DNM3: variants seen among roughly 807,000 people sequenced by gnomAD.
The protein encoded by DNM3 is dynamin 3.
A neutral mutation model predicts 101.6 loss-of-function variants in DNM3; 47 were observed. The ratio of observed to expected loss-of-function variants is 0.46; its 90% CI spans 0.37 to 0.59. The LOEUF (loss-of-function observed/expected upper bound fraction) is 0.59. DNM3 is among the 20% of genes least tolerant of loss of function. The pLI, the probability that DNM3 is intolerant of heterozygous loss-of-function variation, is 0.00. For synonymous variants in DNM3, 385 were observed against 387.9 expected (o/e 0.99, Z 0.09); for missense variants, 849 against 1,085.7 (o/e 0.78, Z 3.06).
chr1:172,345,556 A>C (rs1169921590), intron 17 of DNM3, among the ~76,000 whole-genome samples: 9 of 152,352 alleles, frequency 5.9e-5, no homozygotes, highest in South Asian at 4.1e-4. Context: ...TAAATCACAC[A>C]TACATATACA....
intron 10 of DNM3, among the ~76,000 whole-genome samples, chr1:172,052,055 T>C (rs1007078751): frequency 2.6e-5 from 4 of 152,182 alleles, no homozygotes; most frequent in Non-Finnish European, 5.9e-5. Context: ...TTCTCCATGA[T>C]AATGATGTTA....
chr1:171,896,858 A>C (rs988830357), intron 1 of DNM3, among the ~76,000 whole-genome samples: 2 of 152,208 alleles, frequency 1.3e-5, no homozygotes, highest in Non-Finnish European at 2.9e-5. Flanking sequence ...TGAGGATTTT[A>C]GGCAGAGTTA....
intron 15 of DNM3, among the ~76,000 whole-genome samples, chr1:172,291,932 A>G (rs1452318947): frequency 6.6e-6 from 1 of 152,230 alleles, no homozygotes; most frequent in East Asian, 1.9e-4. Context: ...TTTTGCCAGA[A>G]TCAGGATTCA....
At chr1:172,263,774 A>T (rs1187698773) in intron 15 of DNM3, among the ~76,000 whole-genome samples, 2 of 152,170 alleles carry the variant, frequency 1.3e-5, no homozygotes, top group African/African-American at 4.8e-5. Flanking sequence ...TCAAGATGAG[A>T]TTTGGGTGGG....
chr1:172,256,099 T>C (rs1573161968), intron 15 of DNM3, among the ~76,000 whole-genome samples: 1 of 152,122 alleles, frequency 6.6e-6, no homozygotes, highest in Non-Finnish European at 1.5e-5. Flanking sequence ...TTCTTTATTA[T>C]GAGTTCTTGG....
At chr1:172,121,598 C>G (rs4604727) in intron 13 of DNM3, among the ~76,000 whole-genome samples, 34,302 of 152,084 alleles carry the variant, frequency 0.23, 4,318 homozygotes, top group East Asian at 0.47. Flanking sequence ...TCATTGTAGA[C>G]TTGGGAAGTC....
intron 16 of DNM3, among the ~76,000 whole-genome samples, chr1:172,315,763 T>G (rs2065311103): frequency 1.3e-5 from 2 of 152,186 alleles, no homozygotes; most frequent in South Asian, 2.1e-4. Flanking sequence ...TGCGTCTGAT[T>G]GGTGTACCTG....
intron 2 of DNM3, among the ~76,000 whole-genome samples, chr1:171,946,345 A>G (rs1327269622): frequency 6.6e-6 from 1 of 152,156 alleles, no homozygotes; most frequent in Admixed American, 6.5e-5. Flanking sequence ...CTTACCTACT[A>G]TCTTAATAGG....
At chr1:171,933,705 C>A (rs1203890382) in intron 2 of DNM3, among the ~76,000 whole-genome samples, 2 of 151,902 alleles carry the variant, frequency 1.3e-5, no homozygotes, top group Non-Finnish European at 2.9e-5. Context: ...GTCTTGTGAG[C>A]CAGGGATGAT....
intron 2 of DNM3, among the ~76,000 whole-genome samples, chr1:171,922,587 A>G (rs1478081398): frequency 6.6e-6 from 1 of 152,252 alleles, no homozygotes; most frequent in African/African-American, 2.4e-5. Flanking sequence ...TAACAGTTGA[A>G]TAGATTTTAG....
intron 14 of DNM3, among the ~76,000 whole-genome samples, chr1:172,145,320 G>GTCTCTCTC (rs1289156505): frequency 1.5e-4 from 22 of 149,070 alleles, no homozygotes; most frequent in African/African-American, 5.6e-4. Flanking sequence ...CTGTCTGTCT[G>GTCTCTCTC]TCTGTCTCTC....
chr1:172,201,211 A>T (rs529957500), intron 14 of DNM3, among the ~76,000 whole-genome samples: 1 of 151,580 alleles, frequency 6.6e-6, no homozygotes, highest in East Asian at 1.9e-4. Flanking sequence ...CAGTTGGTAG[A>T]CTCTTGCTCA....
intron 14 of DNM3, among the ~76,000 whole-genome samples, chr1:172,249,385 A>G: frequency 6.6e-6 from 1 of 152,026 alleles, no homozygotes; most frequent in Non-Finnish European, 1.5e-5. Context: ...CCCCTTTCAC[A>G]CAAAGATGCA....
chr1:172,307,112 T>G (rs955488245), intron 15 of DNM3, among the ~76,000 whole-genome samples: 3 of 151,972 alleles, frequency 2.0e-5, no homozygotes, highest in Admixed American at 2.0e-4. Context: ...GGGAGAAAAA[T>G]TTTGCATTCT....
chr1:171,953,420 CTTTTTTT>C (rs749644835), intron 2 of DNM3, among the ~76,000 whole-genome samples: 10 of 128,998 alleles, frequency 7.8e-5, no homozygotes, highest in East Asian at 4.5e-4. Flanking sequence ...ATGCGCAATT[CTTTTTTT>C]TTTTTTTTTT....
chr1:172,036,962 C>A (rs1277685176), intron 6 of DNM3, among the ~76,000 whole-genome samples: 5 of 143,452 alleles, frequency 3.5e-5, no homozygotes, highest in Non-Finnish European at 4.7e-5. Context: ...AAAAACAACT[C>A]CATCAAAAAG....
At chr1:172,281,360 G>T (rs944576333) in intron 15 of DNM3, among the ~76,000 whole-genome samples, 2 of 152,014 alleles carry the variant, frequency 1.3e-5, no homozygotes, top group East Asian at 3.8e-4. Context: ...TTTCTCCATG[G>T]TTCACAAATG....
intron 14 of DNM3, among the ~76,000 whole-genome samples, chr1:172,207,135 C>T (rs1469677566): frequency 6.6e-6 from 1 of 152,060 alleles, no homozygotes; most frequent in African/African-American, 2.4e-5. Context: ...ATAATTACTG[C>T]CTGAGGCAAG....
At chr1:172,076,061 A>G (rs918087758) in intron 11 of DNM3, among the ~76,000 whole-genome samples, 1 of 151,962 alleles carries the variant, frequency 6.6e-6, no homozygotes, top group Non-Finnish European at 1.5e-5. Context: ...TAGGTATTTT[A>G]TTCTCTTTGT....
Sources: gnomAD v4.1 joint callset for allele counts (sites outside exome capture counted in the v4.1 genomes callset) on GRCh38, gnomAD v4.1.1 for gene constraint, MANE v1.5 for transcripts, NCBI Gene and HGNC (gene_info 2026-07-23, HGNC 2026-07-21) for gene names.